Variants in LINGO2 observed in about 807,000 individuals in gnomAD.
LINGO2 encodes leucine-rich repeat and immunoglobulin-like domain-containing nogo receptor-interacting protein 2.
Under a neutral mutation model 30.6 loss-of-function variants are expected in LINGO2, and 14 were observed. The ratio of observed to expected loss-of-function variants is 0.46; its 90% CI spans 0.30 to 0.72. The LOEUF is 0.72. LINGO2 is among the 30% of genes least tolerant of loss of function. The pLI is 0.07. For missense variants in LINGO2, 729 were observed against 751.7 expected (o/e 0.97, Z 0.35); for synonymous variants, 317 against 288.5 (o/e 1.10, Z -1.00).
chr9:28,732,423 GT>G, the LINGO2 span, among the ~76,000 whole-genome samples: 1 of 150,870 alleles, frequency 6.6e-6, no homozygotes, highest in Non-Finnish European at 1.5e-5. Flanking sequence ...AACCACACAA[GT>G]AAACAATCCA....
intron 1 of LINGO2, among the ~76,000 whole-genome samples, chr9:28,618,835 A>G (rs1003608985): frequency 1.3e-5 from 2 of 152,014 alleles, no homozygotes; most frequent in Non-Finnish European, 1.5e-5. Context: ...CTGGCACATA[A>G]AATGTGTTCC....
chr9:28,852,745 A>G, the LINGO2 span, among the ~76,000 whole-genome samples: 1 of 152,170 alleles, frequency 6.6e-6, no homozygotes, highest in African/African-American at 2.4e-5. Flanking sequence ...CTTTTCTACC[A>G]GTTGTCTAAC....
chr9:28,794,078 G>A, the LINGO2 span, among the ~76,000 whole-genome samples: 6 of 152,144 alleles, frequency 3.9e-5, no homozygotes, highest in Admixed American at 3.9e-4. Context: ...GGCTGAGGAG[G>A]GCGGATCACG....
chr9:29,157,826 ACTCCTCATGAAACATTATTTTGAC>A, the LINGO2 span, among the ~76,000 whole-genome samples: 1 of 151,962 alleles, frequency 6.6e-6, no homozygotes. Flanking sequence ...GTAATCTTTG[ACTCCTCATGAAACATTATTTTGAC>A]CTCCTCATGA....
the LINGO2 span, among the ~76,000 whole-genome samples, chr9:28,859,690 G>C: frequency 1.3e-5 from 2 of 151,910 alleles, no homozygotes; most frequent in Non-Finnish European, 2.9e-5. Flanking sequence ...AACTATGTTA[G>C]TAGTTAAAAA....
intron 1 of LINGO2, among the ~76,000 whole-genome samples, chr9:28,533,315 G>A (rs947609751): frequency 5.9e-5 from 9 of 152,062 alleles, no homozygotes; most frequent in African/African-American, 9.7e-5. Flanking sequence ...TGCACCGTCC[G>A]CTTCCCACTT....
the LINGO2 span, among the ~76,000 whole-genome samples, chr9:29,037,643 C>A: frequency 6.6e-6 from 1 of 151,940 alleles, no homozygotes; most frequent in African/African-American, 2.4e-5. Flanking sequence ...CAGCCAAAGT[C>A]CAAACTGTCT....
At chr9:28,813,213 C>T in the LINGO2 span, among the ~76,000 whole-genome samples, 8 of 152,174 alleles carry the variant, frequency 5.3e-5, no homozygotes, top group Non-Finnish European at 8.8e-5. Flanking sequence ...CCAGCCCCCC[C>T]CAATTAGCTG....
chr9:28,597,756 G>A (rs1442502994), intron 1 of LINGO2, among the ~76,000 whole-genome samples: 2 of 152,030 alleles, frequency 1.3e-5, no homozygotes, highest in African/African-American at 4.8e-5. Flanking sequence ...ATGCATGTAT[G>A]TATGTATATA....
the LINGO2 span, among the ~76,000 whole-genome samples, chr9:29,002,996 C>A: frequency 6.6e-6 from 1 of 151,780 alleles, no homozygotes; most frequent in African/African-American, 2.4e-5. Context: ...TGACTGGTGT[C>A]CTTACAAGAA....
chr9:28,339,512 G>T (rs1036149972), intron 3 of LINGO2, among the ~76,000 whole-genome samples: 1 of 152,092 alleles, frequency 6.6e-6, no homozygotes, highest in Non-Finnish European at 1.5e-5. Context: ...GTTCAGAGTT[G>T]CCTAAGTCCA....
At chr9:27,990,471 C>A (rs1330626305) in intron 5 of LINGO2, among the ~76,000 whole-genome samples, 1 of 77,704 alleles carries the variant, frequency 1.3e-5, no homozygotes, top group African/African-American at 3.6e-5. Context: ...TACCCCCCCC[C>A]CTTTTATTTT....
intron 2 of LINGO2, among the ~76,000 whole-genome samples, chr9:28,376,534 T>C (rs187089193): frequency 7.6e-4 from 115 of 152,308 alleles, no homozygotes; most frequent in African/African-American, 2.7e-3. Context: ...AGCCCACAGC[T>C]GAGTCCTTCT....
chr9:28,712,163 G>A, the LINGO2 span, among the ~76,000 whole-genome samples: 2 of 152,252 alleles, frequency 1.3e-5, no homozygotes, highest in East Asian at 1.9e-4. Flanking sequence ...AGACAGAAAT[G>A]ATGAAGGATT....
intron 4 of LINGO2, among the ~76,000 whole-genome samples, chr9:28,186,743 G>A (rs916254214): frequency 6.6e-6 from 1 of 152,090 alleles, no homozygotes; most frequent in African/African-American, 2.4e-5. Context: ...TCCAGGCAGA[G>A]GAAAGAACAG....
intron 1 of LINGO2, among the ~76,000 whole-genome samples, chr9:28,577,827 T>G (rs1824065759): frequency 6.6e-6 from 1 of 152,192 alleles, no homozygotes; most frequent in Non-Finnish European, 1.5e-5. Flanking sequence ...TATCAAGTTT[T>G]TATTCTTGAG....
chr9:28,334,193 G>C (rs1408923339), intron 3 of LINGO2, among the ~76,000 whole-genome samples: 1 of 152,078 alleles, frequency 6.6e-6, no homozygotes, highest in African/African-American at 2.4e-5. Flanking sequence ...TGAAATATAA[G>C]AAAGAAGATG....
At chr9:29,107,384 G>A in the LINGO2 span, among the ~76,000 whole-genome samples, 2 of 152,020 alleles carry the variant, frequency 1.3e-5, no homozygotes, top group East Asian at 1.9e-4. Flanking sequence ...ATTATGAATC[G>A]TACGATTTTA....
In LINGO2 at chr9:27,981,265, C is replaced by T. The variant is rs72722844; in HGVS notation, c.-35-30559G>A. 4.1e-3 allele frequency among the ~76,000 whole-genome samples: 622 copies of T among 151,758 alleles called. 1 individual carries two copies. The highest frequency in any genetic ancestry group is 7.9e-3 in the Non-Finnish European group (538 of 67,800). On this transcript the variant is annotated intron_variant, in intron 5 of 5. Transcript: ENST00000379992. ...CCAAACACTTTCCCATGTTTTATCT[C>T]ACCTAGTCCTCTTAACAACCTTGTA... is the stretch of plus-strand genomic sequence containing the variant.
Sources: gnomAD v4.1 joint callset for allele counts (sites outside exome capture counted in the v4.1 genomes callset) on GRCh38, gnomAD v4.1.1 for gene constraint, MANE v1.5 for transcripts, NCBI Gene and HGNC (gene_info 2026-07-23, HGNC 2026-07-21) for gene names.